Variants in GPR157 observed in about 807,000 individuals in gnomAD.
The protein encoded by GPR157 is G-protein coupled receptor 157.
GPR157 carries 16 observed loss-of-function variants against 23.5 expected under a neutral mutation model. The observed-to-expected ratio is 0.68, with a 90% CI of 0.46 to 1.04. GPR157 has a LOEUF of 1.04. Ranked by LOEUF, GPR157 falls within the 50% of genes least tolerant of loss-of-function variation. GPR157 has a pLI of 0.00. For missense variants in GPR157, 440 were observed against 460.7 expected, an observed-to-expected ratio of 0.96 and a Z score of 0.41; for synonymous variants, 200 against 221.5, an observed-to-expected ratio of 0.90 and a Z score of 0.86.
At position 9,125,002 on chromosome 1, in the gene GPR157, C is replaced by T. The variant is rs188570591; in HGVS notation, c.383+3643G>A. Among the ~76,000 whole-genome samples, 54 of 152,204 alleles carry T rather than the reference C, an allele frequency of 3.5e-4. 1 individual carries two copies. The highest frequency in any genetic ancestry group is 1.9e-3 in the South Asian group (9 of 4,822). On this transcript the variant is annotated intron_variant, in intron 1 of 3. Coordinates refer to ENST00000377411, the MANE Select transcript of GPR157 (RefSeq NM_024980.5). ...TATATCCAGTGCATTGTTGGCACCG[C>T]GGGCGACCCCCCTGTTGGACCCAGC...
In GPR157 at chr1:9,111,924, T is replaced by C. The variant is rs774438963; in HGVS notation, c.384-435A>G. ...GGTGGAGGTTGCAGTGAGCTGAGAT[T>C]GTGCCATTGCGTTCCCGCCTGGGTG... On this transcript the variant is annotated intron_variant, in intron 1 of 3. Coordinates refer to ENST00000377411, the MANE Select transcript of GPR157 (RefSeq NM_024980.5). 2.6e-5 allele frequency among the ~76,000 whole-genome samples: 4 copies of C among 152,100 alleles called. No homozygotes were observed. The East Asian group carries it at 5.8e-4, about 22-fold the overall frequency.
At chr1:9,114,663 C>G (rs1241592394) in intron 1 of GPR157, among the ~76,000 whole-genome samples, 1 of 152,148 alleles carries the variant, frequency 6.6e-6, no homozygotes, top group Non-Finnish European at 1.5e-5. Context: ...AGTACTAAAG[C>G]TACAAGGCGG....
chr1:9,115,294 AAAT>A (rs1174219666), intron 1 of GPR157, among the ~76,000 whole-genome samples: 3 of 152,336 alleles, frequency 2.0e-5, no homozygotes, highest in South Asian at 2.1e-4. Context: ...TACAATTTAT[AAAT>A]AATAATAAAG....
intron 1 of GPR157, among the ~76,000 whole-genome samples, chr1:9,127,951 T>C (rs1466016705): frequency 6.6e-6 from 1 of 151,990 alleles, no homozygotes; most frequent in East Asian, 1.9e-4. Context: ...AATCGCAAAG[T>C]AAGGTCTTGG....
At chr1:9,116,312 T>TAG (rs1279023695) in intron 1 of GPR157, among the ~76,000 whole-genome samples, 2 of 17,424 alleles carry the variant, frequency 1.1e-4, no homozygotes, top group Non-Finnish European at 1.6e-4. Flanking sequence ...TATTATATTA[T>TAG]ATATAATATA....
chr1:9,127,170 C>T (rs1638978728), intron 1 of GPR157, among the ~76,000 whole-genome samples: 1 of 152,100 alleles, frequency 6.6e-6, no homozygotes, highest in African/African-American at 2.4e-5. Context: ...CAAGCCACCA[C>T]ACTGGGCCTA....
rs1638294160 is a variant in GPR157, at chr1:9,105,665, C to CT, written c.612_613insA (p.Glu205ArgfsTer138). The CT allele has an allele frequency of 6.2e-7, 1 of 1,610,314 alleles. No individual in the cohort carries two copies. The highest frequency in any genetic ancestry group is 1.7e-5 in the Admixed American group (1 of 59,738). On this transcript the variant is annotated frameshift_variant, in exon 3 of 4. Transcript: ENST00000377411. LOFTEE classifies it high-confidence loss of function. The surrounding 1 kb of genome is among the most constrained non-coding windows in gnomAD (Gnocchi z 4.8). ...TCCTGGGAGAGGATGGGCCGGTACT[C>CT]AGAGAGTGCCGTGTGCTGTGTGGGG...
chr1:9,104,443 G>A lies in GPR157; in HGVS notation c.984C>T (p.Thr328=). 6.2e-7 allele frequency: 1 copy of A among 1,613,960 alleles called. No homozygotes were observed. Among genetic ancestry groups the A allele is most frequent in the Non-Finnish European group, 8.5e-7 (1 of 1,179,976 alleles). ...CTCAGGTGCTTGGAAGTTCCCCTGG[G>A]GTCCCTTGGGATTCCTGAGATTCTC... The part of the protein sequence containing the change: ...KPGESQESQG[T]PGELPST The change falls in exon 4 of 4, where the codon ACC becomes ACT. Residue 328 remains threonine (T), a synonymous_variant. Transcript: ENST00000377411.
chr1:9,104,493 T>C lies in GPR157; in HGVS notation c.934A>G (p.Lys312Glu). 4.3e-6 allele frequency: 7 copies of C among 1,612,906 alleles called. No homozygotes were observed. Among genetic ancestry groups the C allele is most frequent in the Non-Finnish European group, 5.9e-6 (7 of 1,179,750 alleles). ...PPTKSPAGTP[K>E]APAPSKPGES... ...CCTGGCTTGGAAGGCGCGGGAGCCT[T>C]GGGAGTGCCAGCCGGGCTCTTGGTG... The change falls in exon 4 of 4, where the codon AAG (lysine) becomes GAG (glutamate). Residue 312 changes from lysine to glutamate, a missense_variant. Transcript: ENST00000377411.
chr1:9,123,263 TA>T (rs1638851515), intron 1 of GPR157, among the ~76,000 whole-genome samples: 1 of 22,494 alleles, frequency 4.4e-5, no homozygotes, highest in African/African-American at 1.9e-4. Flanking sequence ...TATATTTAAA[TA>T]TATATATTTA....
rs1001203417 is a variant in GPR157 at position 9,104,231 on chromosome 1, T to C, written c.*188A>G. 4 of 585,646 alleles carry C rather than the reference T, an allele frequency of 6.8e-6. No homozygotes were observed. Among genetic ancestry groups the C allele is most frequent in the Non-Finnish European group, 1.2e-5 (4 of 328,140 alleles). The allele number at this position is 585,646 out of a possible 1,614,324, so 36.3% of individuals were successfully genotyped here. A position where few individuals can be genotyped will look rare whatever the true frequency, so the allele number is the denominator to read the frequency against. On this transcript the variant is annotated 3_prime_UTR_variant, in exon 4 of 4. Transcript: ENST00000377411. ...CCAGGACGCTGGTACCGGTGGAACT[T>C]GCTGCCTGAGGATCTAGGAGGTAGA...
intron 1 of GPR157, among the ~76,000 whole-genome samples, chr1:9,116,474 TTTTTA>T (rs1236804869): frequency 1.5e-5 from 2 of 136,574 alleles, no homozygotes; most frequent in African/African-American, 2.8e-5. Context: ...TGGCTTTTTT[TTTTTA>T]TTTTATTATT....
At chr1:9,112,377 C>T (rs770027) in intron 1 of GPR157, among the ~76,000 whole-genome samples, 91,694 of 152,050 alleles carry the variant, frequency 0.6, 30,007 homozygotes, top group African/African-American at 0.87. Context: ...TGGCGGGGAA[C>T]AGAACCTGGC....
intron 2 of GPR157, among the ~76,000 whole-genome samples, chr1:9,109,682 C>G (rs11810049): frequency 0.029 from 4,342 of 152,260 alleles, 216 homozygotes; most frequent in African/African-American, 0.1. Context: ...GCATGAGCTA[C>G]TGCACCCAGT....
At chr1:9,116,256 T>A (rs1357720670) in intron 1 of GPR157, among the ~76,000 whole-genome samples, 11 of 13,286 alleles carry the variant, frequency 8.3e-4, no homozygotes, top group Non-Finnish European at 1.3e-3. Context: ...ATTATATATA[T>A]ATTATATATA....
rs764826690 is a variant in GPR157, at chr1:9,104,644, G to A, written c.793-10C>T. 1 of 1,574,166 alleles carries A rather than the reference G, an allele frequency of 6.4e-7. No individual in the cohort carries two copies. The highest frequency in any genetic ancestry group is 1.1e-5 in the South Asian group (1 of 87,908). On this transcript the variant is annotated splice_polypyrimidine_tract_variant and intron_variant, in intron 3 of 3. Transcript: ENST00000377411. Reference sequence around the variant, plus strand: ...ACGTGTTCCCGATACCCTGTCGGGAGAAAAGGAGCTGTGAGCATGGGGCTG... The same window carrying A: ...ACGTGTTCCCGATACCCTGTCGGGAAAAAAGGAGCTGTGAGCATGGGGCTG...
At chr1:9,115,999 T>G (rs1219706979) in intron 1 of GPR157, among the ~76,000 whole-genome samples, 3 of 146,470 alleles carry the variant, frequency 2.0e-5, no homozygotes, top group African/African-American at 5.1e-5. Flanking sequence ...TGATCTCTGC[T>G]CTACACAATC....
In GPR157 at chr1:9,128,809, C is replaced by A. The variant is rs1639025388; in HGVS notation, c.219G>T (p.Ala73=). Residue 73 remains alanine, a synonymous_variant, in exon 1 of 4, where the codon GCG becomes GCT. Transcript: ENST00000377411. The surrounding 1 kb of genome is among the most constrained non-coding windows in gnomAD (Gnocchi z 6.3). ...SYFYGVLQNF[A]GPSWDCVLQG... ...GCAGCACGCAGTCCCACGACGGGCC[C>A]GCGAAGTTCTGCAGCACTCCGTAGA... 2 of 1,610,132 alleles carry A rather than the reference C, an allele frequency of 1.2e-6. No individual in the cohort carries two copies. Among genetic ancestry groups the A allele is most frequent in the African/African-American group, 1.3e-5 (1 of 74,882 alleles).
chr1:9,123,159 G>A (rs1248707164), intron 1 of GPR157, among the ~76,000 whole-genome samples: 1 of 98,420 alleles, frequency 1.0e-5, no homozygotes, highest in East Asian at 4.2e-4. Context: ...ACTGTCTTGG[G>A]TGGGAAAAAA....
Sources: allele counts gnomAD v4.1 joint callset (sites outside exome capture counted in the v4.1 genomes callset), GRCh38; gene constraint gnomAD v4.1.1; non-coding constraint Gnocchi (gnomAD v3.1); transcripts MANE v1.5; gene names NCBI Gene and HGNC (gene_info 2026-07-23, HGNC 2026-07-21).